PDE1A: variants seen among roughly 807,000 people sequenced by gnomAD.
PDE1A encodes the protein phosphodiesterase 1A.
A neutral mutation model predicts 61.7 loss-of-function variants in PDE1A; 35 were observed. That is an observed-to-expected ratio of 0.57 (90% CI 0.43 to 0.75). PDE1A has a LOEUF of 0.75. PDE1A is among the 30% of genes least tolerant of loss of function. The pLI is 0.00. For missense variants in PDE1A, 597 were observed against 630.6 expected, an observed-to-expected ratio of 0.95 and a Z score of 0.57; for synonymous variants, 232 against 213.2, an observed-to-expected ratio of 1.09 and a Z score of -0.77.
the PDE1A span, among the ~76,000 whole-genome samples, chr2:182,687,679 G>A: frequency 3.9e-5 from 6 of 152,182 alleles, no homozygotes; most frequent in African/African-American, 7.2e-5. Flanking sequence ...AAAGCTGGAC[G>A]GAGAATGACT....
chr2:182,676,315 T>C, the PDE1A span, among the ~76,000 whole-genome samples: 109,265 of 151,620 alleles, frequency 0.72, 39,554 homozygotes, highest in Middle Eastern at 0.79. Flanking sequence ...AAAACCTAGG[T>C]GAGATGGATA....
chr2:182,346,558 T>C (rs1371767899), intron 1 of PDE1A, among the ~76,000 whole-genome samples: 1 of 152,160 alleles, frequency 6.6e-6, no homozygotes, highest in African/African-American at 2.4e-5. Context: ...ATAATACATG[T>C]AATGGTACAA....
At chr2:182,513,494 T>C (rs2082134) in intron 2 of PDE1A, among the ~76,000 whole-genome samples, 63,040 of 152,086 alleles carry the variant, frequency 0.41, 13,500 homozygotes, top group Middle Eastern at 0.54. Flanking sequence ...ACCACAAAAG[T>C]ACACTTAAGT....
chr2:182,269,354 G>A (rs1692853764), intron 1 of PDE1A, among the ~76,000 whole-genome samples: 2 of 151,846 alleles, frequency 1.3e-5, no homozygotes, highest in African/African-American at 4.8e-5. Context: ...TGGGTGTGGT[G>A]GTGCATGCCT....
At chr2:182,295,751 A>T (rs1412432785) in intron 1 of PDE1A, among the ~76,000 whole-genome samples, 1 of 152,122 alleles carries the variant, frequency 6.6e-6, no homozygotes, top group Non-Finnish European at 1.5e-5. Flanking sequence ...TTTTGAATAA[A>T]ATATATATAT....
intron 1 of PDE1A, among the ~76,000 whole-genome samples, chr2:182,276,314 G>A (rs533967708): frequency 1.2e-4 from 19 of 152,174 alleles, no homozygotes; most frequent in African/African-American, 3.4e-4. Flanking sequence ...AGCTGGAGCC[G>A]CGGCAGAGGA....
chr2:182,579,950 C>T, the PDE1A span, among the ~76,000 whole-genome samples: 1 of 152,182 alleles, frequency 6.6e-6, no homozygotes, highest in African/African-American at 2.4e-5. Context: ...TTCACTATAG[C>T]TGATCATGAG....
At chr2:182,613,310 C>T in the PDE1A span, among the ~76,000 whole-genome samples, 1 of 151,960 alleles carries the variant, frequency 6.6e-6, no homozygotes, top group Non-Finnish European at 1.5e-5. Flanking sequence ...GCCTGTAATC[C>T]CCAGAACTTT....
intron 2 of PDE1A, chr2:182,241,974 T>C: frequency 6.7e-7 from 1 of 1,484,650 alleles, no homozygotes; most frequent in South Asian, 1.4e-5. Flanking sequence ...CTTGAAAATA[T>C]CACTACTTTA....
chr2:182,564,939 T>C, the PDE1A span, among the ~76,000 whole-genome samples: 1 of 152,210 alleles, frequency 6.6e-6, no homozygotes, highest in Non-Finnish European at 1.5e-5. Flanking sequence ...TTGGTTATTC[T>C]AGTTATACAT....
intron 2 of PDE1A, among the ~76,000 whole-genome samples, chr2:182,247,976 A>C (rs577751606): frequency 3.3e-5 from 5 of 152,214 alleles, no homozygotes; most frequent in Non-Finnish European, 7.3e-5. Context: ...TTAAAAATGA[A>C]GACTTTGTTT....
chr2:182,298,856 A>G (rs1695054491), intron 1 of PDE1A, among the ~76,000 whole-genome samples: 1 of 152,108 alleles, frequency 6.6e-6, no homozygotes, highest in African/African-American at 2.4e-5. Flanking sequence ...GCTGAAATAT[A>G]AGTAATGGAA....
chr2:182,290,559 C>T (rs1435349689), intron 1 of PDE1A, among the ~76,000 whole-genome samples: 1 of 151,892 alleles, frequency 6.6e-6, no homozygotes, highest in Non-Finnish European at 1.5e-5. Context: ...AATCCAGCCT[C>T]CCTCTGCTTG....
chr2:182,419,252 C>A (rs74951984), intron 1 of PDE1A, among the ~76,000 whole-genome samples: 6 of 151,662 alleles, frequency 4.0e-5, no homozygotes, highest in Non-Finnish European at 8.8e-5. Context: ...TTCATCTATT[C>A]TTTTAATGCT....
upstream of PDE1A, among the ~76,000 whole-genome samples, chr2:182,528,163 G>C (rs1008291644): frequency 6.6e-6 from 1 of 152,108 alleles, no homozygotes; most frequent in African/African-American, 2.4e-5. Flanking sequence ...AGGAAAAGGT[G>C]GGAAAGTTTG....
intron 2 of PDE1A, among the ~76,000 whole-genome samples, chr2:182,442,829 G>A (rs989877753): frequency 3.9e-5 from 6 of 151,984 alleles, no homozygotes; most frequent in Non-Finnish European, 7.4e-5. Context: ...ATCTTGAAAT[G>A]TTGTATCTTA....
the PDE1A span, among the ~76,000 whole-genome samples, chr2:182,708,007 G>T: frequency 6.6e-6 from 1 of 152,092 alleles, no homozygotes; most frequent in Non-Finnish European, 1.5e-5. Flanking sequence ...TGGAAGAGAA[G>T]ATTTTGAATG....
chr2:182,477,330 A>G (rs943550049), intron 2 of PDE1A, among the ~76,000 whole-genome samples: 4 of 151,998 alleles, frequency 2.6e-5, no homozygotes, highest in Non-Finnish European at 5.9e-5. Context: ...TTTATTGATT[A>G]TAATAGCTGC....
chr2:182,286,101 C>T (rs531775627), intron 1 of PDE1A, among the ~76,000 whole-genome samples: 1 of 152,204 alleles, frequency 6.6e-6, no homozygotes, highest in African/African-American at 2.4e-5. Flanking sequence ...CCAATTAATG[C>T]TAATTTAAGC....
Sources: gnomAD v4.1 joint callset for allele counts (sites outside exome capture counted in the v4.1 genomes callset) on GRCh38, gnomAD v4.1.1 for gene constraint, MANE v1.5 for transcripts, NCBI Gene and HGNC (gene_info 2026-07-23, HGNC 2026-07-21) for gene names.